TRMT11: variants seen among roughly 807,000 people sequenced by gnomAD.
TRMT11 encodes the protein tRNA (guanine(10)-N(2))-methyltransferase TRMT11.
In TRMT11, 53 loss-of-function variants were observed where a neutral mutation model predicts 62.8. The ratio of observed to expected loss-of-function variants is 0.84; its 90% CI spans 0.68 to 1.06. TRMT11 has a LOEUF of 1.06. TRMT11 is among the 50% of genes least tolerant of loss of function. TRMT11 has a pLI of 0.00. For missense variants in TRMT11, 556 were observed against 553.4 expected, an observed-to-expected ratio of 1.00 and a Z score of -0.05; for synonymous variants, 188 against 190.3, an observed-to-expected ratio of 0.99 and a Z score of 0.10.
In TRMT11 at chr6:126,006,659, A is replaced by C. The variant is rs552521609; in HGVS notation, c.680-1733A>C. Among the ~76,000 whole-genome samples the C allele has an allele frequency of 2.0e-5, 3 of 151,946 alleles. No individual in the cohort carries two copies. In the South Asian group the frequency reaches 6.2e-4, roughly 31 times the overall value. ...TCCCCTAAAAAACTCCAACTGAGGT[A>C]TAGCTAAATGTAAAAAGTGCTTCAA... On this transcript the variant is annotated intron_variant, in intron 7 of 12. Transcript: ENST00000334379.
chr6:126,143,117 C>T (rs2128216454), intron 21 of TRMT11, among the ~76,000 whole-genome samples: 1 of 152,162 alleles, frequency 6.6e-6, no homozygotes, highest in Non-Finnish European at 1.5e-5. Context: ...ACACATATTT[C>T]CTTGTCATGT....
At chr6:126,043,323 G>A (rs1483513789), downstream of TRMT11, among the ~76,000 whole-genome samples, 2 of 150,058 alleles carry the variant, frequency 1.3e-5, no homozygotes, top group East Asian at 2.0e-4. Flanking sequence ...TTGTTCTTGC[G>A]ATAGTTTACT....
intron 21 of TRMT11, among the ~76,000 whole-genome samples, chr6:126,137,326 T>A (rs893190447): frequency 6.6e-6 from 1 of 151,538 alleles, no homozygotes; most frequent in Non-Finnish European, 1.5e-5. Flanking sequence ...AAAAATCTGA[T>A]TTAAAAATGA....
chr6:126,251,033 AT>A, the TRMT11 span, among the ~76,000 whole-genome samples: 3,132 of 139,082 alleles, frequency 0.023, 92 homozygotes, highest in African/African-American at 0.072. Context: ...TTAATTTTCA[AT>A]TTTTTTTTTT....
chr6:126,108,123 G>A (rs1029782864), intron 17 of TRMT11, among the ~76,000 whole-genome samples: 2 of 152,144 alleles, frequency 1.3e-5, no homozygotes, highest in South Asian at 4.1e-4. Flanking sequence ...GGGAGGCAAA[G>A]AACTGTTTTT....
At chr6:126,005,076 T>G (rs1038319087) in intron 7 of TRMT11, among the ~76,000 whole-genome samples, 4 of 152,066 alleles carry the variant, frequency 2.6e-5, no homozygotes. Context: ...ACTATTCTCA[T>G]GTGAGTTTGG....
chr6:126,264,846 C>T, the TRMT11 span, among the ~76,000 whole-genome samples: 16 of 152,150 alleles, frequency 1.1e-4, no homozygotes, highest in African/African-American at 3.9e-4. Flanking sequence ...TTGGATTCAT[C>T]AAGCCAAAAT....
intron 17 of TRMT11, among the ~76,000 whole-genome samples, chr6:126,065,262 A>C (rs910174379): frequency 1.3e-5 from 2 of 152,120 alleles, no homozygotes; most frequent in African/African-American, 4.8e-5. Flanking sequence ...TAATTGGTCA[A>C]ATAATCTTGT....
chr6:126,232,412 C>CT, the TRMT11 span, among the ~76,000 whole-genome samples: 193 of 147,586 alleles, frequency 1.3e-3, no homozygotes, highest in African/African-American at 2.3e-3. Context: ...CAGTAGAAAA[C>CT]TTTTTTTTTT....
intron 17 of TRMT11, among the ~76,000 whole-genome samples, chr6:126,075,069 C>T (rs1048079124): frequency 1.4e-4 from 22 of 152,152 alleles, no homozygotes; most frequent in African/African-American, 4.6e-4. Context: ...TTCAGGGTGT[C>T]GAGTTTCTGC....
At chr6:126,212,071 G>C in the TRMT11 span, among the ~76,000 whole-genome samples, 2 of 152,078 alleles carry the variant, frequency 1.3e-5, no homozygotes, top group African/African-American at 2.4e-5. Flanking sequence ...ATGACCTCCA[G>C]TTCCATCCAT....
intron 11 of TRMT11, among the ~76,000 whole-genome samples, chr6:126,019,746 C>T (rs575898641): frequency 7.9e-5 from 12 of 152,148 alleles, no homozygotes; most frequent in African/African-American, 2.9e-4. Context: ...ACTCCAGCCT[C>T]GGCAACAGAG....
At chr6:126,126,911 C>T (rs1777725640) in intron 21 of TRMT11, among the ~76,000 whole-genome samples, 1 of 152,090 alleles carries the variant, frequency 6.6e-6, no homozygotes. Flanking sequence ...CATGAAAATA[C>T]ATGAATAAGG....
At chr6:125,991,639 C>T (rs1389849115) in intron 1 of TRMT11, among the ~76,000 whole-genome samples, 1 of 152,122 alleles carries the variant, frequency 6.6e-6, no homozygotes, top group Non-Finnish European at 1.5e-5. Context: ...TATAGAATCT[C>T]TTCTGGGAAA....
chr6:126,162,171 T>A (rs779125967), intron 21 of TRMT11, among the ~76,000 whole-genome samples: 5 of 152,232 alleles, frequency 3.3e-5, no homozygotes, highest in Non-Finnish European at 7.3e-5. Context: ...CTAGGTTTTC[T>A]TCTAGGTTTT....
At chr6:126,204,663 T>C (rs528604310), downstream of TRMT11, among the ~76,000 whole-genome samples, 100 of 152,300 alleles carry the variant, frequency 6.6e-4, no homozygotes, top group Admixed American at 2.2e-3. Context: ...GAACCCAAAC[T>C]TGTCTTGGGG....
At chr6:125,994,398 C>G (rs914340699) in intron 2 of TRMT11, among the ~76,000 whole-genome samples, 1 of 151,682 alleles carries the variant, frequency 6.6e-6, no homozygotes, top group Non-Finnish European at 1.5e-5. Flanking sequence ...TCAATATAGG[C>G]CTAAGTTGTT....
chr6:126,257,545 C>T, the TRMT11 span, among the ~76,000 whole-genome samples: 395 of 152,232 alleles, frequency 2.6e-3, no homozygotes, highest in African/African-American at 8.9e-3. Flanking sequence ...TTTCCTTCCT[C>T]TTCAATTTTC....
the TRMT11 span, among the ~76,000 whole-genome samples, chr6:126,225,889 C>A: frequency 1.3e-5 from 2 of 151,886 alleles, no homozygotes; most frequent in Admixed American, 6.6e-5. Flanking sequence ...GGGGTTTCAC[C>A]ACGTTAGCCA....
Sources: allele counts gnomAD v4.1 joint callset (sites outside exome capture counted in the v4.1 genomes callset), GRCh38; gene constraint gnomAD v4.1.1; transcripts MANE v1.5; gene names NCBI Gene and HGNC (gene_info 2026-07-23, HGNC 2026-07-21).